CWC27: variants seen among roughly 807,000 people sequenced by gnomAD.
CWC27 encodes the protein CWC27 spliceosome associated cyclophilin.
A neutral mutation model predicts 63.6 loss-of-function variants in CWC27; 47 were observed. That is an observed-to-expected ratio of 0.74 (90% CI 0.58 to 0.94). The LOEUF is 0.94. CWC27 is among the 40% of genes least tolerant of loss of function. The pLI, the probability that CWC27 is intolerant of heterozygous loss-of-function variation, is 0.00. For synonymous variants in CWC27, 175 were observed against 179.8 expected, an observed-to-expected ratio of 0.97 and a Z score of 0.22; for missense variants, 495 against 554.3, an observed-to-expected ratio of 0.89 and a Z score of 1.07.
chr5:64,900,124 C>G (rs1747467118), intron 11 of CWC27, among the ~76,000 whole-genome samples: 1 of 152,170 alleles, frequency 6.6e-6, no homozygotes, highest in Non-Finnish European at 1.5e-5. Flanking sequence ...GGTGTATGTT[C>G]AACTTTTTGA....
Position 64,823,492 on chromosome 5 carries a change from T to C in CWC27, c.938+19106T>C, listed in dbSNP as rs537623840. 6.6e-5 allele frequency among the ~76,000 whole-genome samples: 10 copies of C among 152,340 alleles called. 1 individual carries two copies. In the South Asian group the frequency reaches 2.1e-3, roughly 32 times the overall value. ...GATAGGGAAACAAGACAAGCCTACC[T>C]ACAAAATTAGTAGCTATTATCCTTC... On this transcript the variant is annotated intron_variant, in intron 10 of 13. Coordinates refer to ENST00000381070, the MANE Select transcript of CWC27 (RefSeq NM_005869.4).
intron 10 of CWC27, among the ~76,000 whole-genome samples, chr5:64,873,863 T>G (rs1006415825): frequency 2.0e-5 from 3 of 152,126 alleles, no homozygotes; most frequent in African/African-American, 7.2e-5. Context: ...TTGTATATGG[T>G]TAGAGATAGG....
At chr5:64,928,810 A>C (rs1748172500) in intron 11 of CWC27, among the ~76,000 whole-genome samples, 2 of 152,228 alleles carry the variant, frequency 1.3e-5, no homozygotes, top group South Asian at 4.1e-4. Flanking sequence ...AGAAACTAAA[A>C]CTGAATGTAA....
intron 10 of CWC27, among the ~76,000 whole-genome samples, chr5:64,862,858 G>T (rs1561438711): frequency 6.6e-6 from 1 of 152,032 alleles, no homozygotes; most frequent in Non-Finnish European, 1.5e-5. Context: ...GTCTCGTGAG[G>T]GCCTATTTCC....
intron 10 of CWC27, among the ~76,000 whole-genome samples, chr5:64,848,084 G>T (rs889852426): frequency 6.6e-6 from 1 of 151,938 alleles, no homozygotes; most frequent in African/African-American, 2.4e-5. Flanking sequence ...ATTAAGGGTT[G>T]ATTTTTGAAA....
chr5:64,944,057 C>G (rs2112417896), intron 11 of CWC27, among the ~76,000 whole-genome samples: 1 of 152,168 alleles, frequency 6.6e-6, no homozygotes, highest in African/African-American at 2.4e-5. Flanking sequence ...CCGCACGCCC[C>G]CATCACCTAC....
At chr5:64,877,327 G>A (rs971434757) in intron 10 of CWC27, among the ~76,000 whole-genome samples, 8 of 151,964 alleles carry the variant, frequency 5.3e-5, no homozygotes, top group East Asian at 1.9e-4. Flanking sequence ...GACAAATATC[G>A]TATATTCTCA....
chr5:64,920,402 A>G (rs1580727228), intron 11 of CWC27, among the ~76,000 whole-genome samples: 1 of 152,314 alleles, frequency 6.6e-6, no homozygotes, highest in East Asian at 1.9e-4. Context: ...TTTTACATCC[A>G]TGTTTATCAG....
At chr5:64,859,950 T>C (rs561501849) in intron 10 of CWC27, among the ~76,000 whole-genome samples, 1 of 152,310 alleles carries the variant, frequency 6.6e-6, no homozygotes, top group African/African-American at 2.4e-5. Context: ...AATATAACAA[T>C]AGTAACAAGT....
chr5:64,945,219 T>G (rs538575389), intron 11 of CWC27, among the ~76,000 whole-genome samples: 1 of 152,218 alleles, frequency 6.6e-6, no homozygotes, highest in East Asian at 1.9e-4. Flanking sequence ...ATTGTTCTTC[T>G]CCACTTTGTT....
intron 10 of CWC27, among the ~76,000 whole-genome samples, chr5:64,840,109 T>G (rs1745763079): frequency 6.6e-6 from 1 of 151,814 alleles, no homozygotes; most frequent in Non-Finnish European, 1.5e-5. Context: ...AGTCTGTGGC[T>G]GGGAATTAGG....
intron 10 of CWC27, among the ~76,000 whole-genome samples, chr5:64,857,783 T>A (rs963563301): frequency 1.3e-5 from 2 of 152,188 alleles, no homozygotes; most frequent in African/African-American, 4.8e-5. Flanking sequence ...AGTTGCACTT[T>A]AAGGGAATAG....
chr5:64,896,368 A>G (rs1747374879), intron 11 of CWC27, among the ~76,000 whole-genome samples: 1 of 152,232 alleles, frequency 6.6e-6, no homozygotes, highest in African/African-American at 2.4e-5. Context: ...AGGAACATGG[A>G]AAGTGGTAAA....
intron 11 of CWC27, among the ~76,000 whole-genome samples, chr5:64,940,188 G>C (rs748640730): frequency 5.9e-5 from 9 of 152,136 alleles, no homozygotes; most frequent in Non-Finnish European, 1.3e-4. Flanking sequence ...CTGCAGCTCT[G>C]TGTCTGCCCA....
chr5:64,890,425 A>G (rs1418844641), intron 11 of CWC27, among the ~76,000 whole-genome samples: 1 of 152,178 alleles, frequency 6.6e-6, no homozygotes, highest in Non-Finnish European at 1.5e-5. Flanking sequence ...TAGTTGGTAT[A>G]AGAAACAAAA....
At chr5:64,907,091 A>G (rs6887888) in intron 11 of CWC27, among the ~76,000 whole-genome samples, 18 of 151,908 alleles carry the variant, frequency 1.2e-4, no homozygotes, top group Non-Finnish European at 2.5e-4. Flanking sequence ...AGTTTGAAGT[A>G]AGGTAGCATG....
At chr5:64,905,513 AG>A (rs528248894) in intron 11 of CWC27, among the ~76,000 whole-genome samples, 72 of 152,316 alleles carry the variant, frequency 4.7e-4, no homozygotes, top group African/African-American at 1.6e-3. Context: ...TGAAAATAAA[AG>A]ACTGAATGAA....
chr5:64,898,720 T>C (rs1206208007), intron 11 of CWC27, among the ~76,000 whole-genome samples: 5 of 152,114 alleles, frequency 3.3e-5, no homozygotes, highest in Admixed American at 3.3e-4. Flanking sequence ...TTAAATAAGA[T>C]TGAGGATTAT....
intron 11 of CWC27, among the ~76,000 whole-genome samples, chr5:64,966,903 A>G (rs746185073): frequency 1.3e-5 from 2 of 152,078 alleles, no homozygotes; most frequent in African/African-American, 4.8e-5. Context: ...TGTTTTAAAA[A>G]TACTTTTTGT....
Sources: allele counts gnomAD v4.1 joint callset (sites outside exome capture counted in the v4.1 genomes callset), GRCh38; gene constraint gnomAD v4.1.1; transcripts MANE v1.5; gene names NCBI Gene and HGNC (gene_info 2026-07-23, HGNC 2026-07-21).